Variants in PLEKHH1 observed in about 807,000 individuals in gnomAD.
PLEKHH1 encodes pleckstrin homology, MyTH4 and FERM domain containing H1.
Under a neutral mutation model 160.0 loss-of-function variants are expected in PLEKHH1, and 104 were observed. The observed-to-expected ratio is 0.65, with a 90% CI of 0.55 to 0.76. The LOEUF is 0.76. PLEKHH1 is among the 30% of genes least tolerant of loss of function. PLEKHH1 has a pLI of 0.00. For missense variants in PLEKHH1, 1,427 were observed against 1,724.1 expected (o/e 0.83, Z 3.05); for synonymous variants, 619 against 678.4 (o/e 0.91, Z 1.36).
At position 67,542,120 on chromosome 14, in the gene PLEKHH1, G is replaced by GA. The variant is rs1377500736; in HGVS notation, c.126+130dup. Reference sequence around the variant, plus strand: ...AGATGCTTTTCCCCATATGCAAAATGAAACCCAAGGTAGTTTAAGACCAAA... The same window carrying GA: ...AGATGCTTTTCCCCATATGCAAAATGAAAACCCAAGGTAGTTTAAGACCAAA... On this transcript the variant is annotated intron_variant, in intron 2 of 28. Coordinates refer to ENST00000329153, the MANE Select transcript of PLEKHH1 (RefSeq NM_020715.3). 5.6e-6 allele frequency: 5 copies of GA among 899,424 alleles called. No individual in the cohort carries two copies. The African/African-American group carries it at 6.8e-5, about 12-fold the overall frequency. The allele number at this position is 899,424 out of a possible 1,614,324, so 55.7% of individuals were successfully genotyped here.
chr14:67,579,204 G>A lies in PLEKHH1; in HGVS notation c.2920G>A (p.Glu974Lys). The A allele has an allele frequency of 6.2e-7, 1 of 1,611,466 alleles. No homozygotes were observed. The highest frequency in any genetic ancestry group is 2.2e-5 in the East Asian group (1 of 44,802). ...GCGGACCCTGCGGACCGGGGAGCGG[G>A]AAGCCAGGCCATCGCGCATGGAAGT... ...VERTLRTGER[E>K]ARPSRMEVVS... The change falls in exon 21 of 29, where the codon GAA becomes AAA. Residue 974 changes from glutamate (E) to lysine (K), a missense_variant. By Grantham distance (56) the Glu-to-Lys change is moderately conservative (BLOSUM62 1). Coordinates refer to ENST00000329153, the MANE Select transcript of PLEKHH1 (RefSeq NM_020715.3).
intron 14 of PLEKHH1, among the ~76,000 whole-genome samples, chr14:67,575,046 A>G (rs1330752915): frequency 1.3e-5 from 2 of 152,302 alleles, no homozygotes; most frequent in Non-Finnish European, 2.9e-5. Context: ...CAAGGGCTTC[A>G]GCCTGCTGTT....
chr14:67,579,834 C>A lies in PLEKHH1; in HGVS notation c.3141C>A (p.Pro1047=), dbSNP rs2035806071. The part of the protein sequence containing the change: ...HSGFALFTDD[P]SGRDLEHCLQ... ...GCTTTGCCCTCTTCACGGACGATCC[C>A]TCGGGCAGGGACCTGGAGCACTGCC... The change falls in exon 22 of 29, where the codon CCC becomes CCA. Residue 1047 remains proline, a synonymous_variant. Transcript: ENST00000329153. The A allele has an allele frequency of 1.2e-6, 2 of 1,607,560 alleles. No individual in the cohort carries two copies. Among genetic ancestry groups the A allele is most frequent in the East Asian group, 2.2e-5 (1 of 44,642 alleles).
chr14:67,571,847 C>G lies in PLEKHH1; in HGVS notation c.1530C>G (p.Pro510=). 1 of 1,613,850 alleles carries G rather than the reference C, an allele frequency of 6.2e-7. No homozygotes were observed. The highest frequency in any genetic ancestry group is 1.7e-5 in the Admixed American group (1 of 60,012). ...SSQASFRISV[P]SSESRKTSGL... Reference sequence around the variant, plus strand: ...AGGCGAGTTTCCGAATCTCGGTCCCCTCCTCTGAGTCCAGGAAGACCAGCG... The same window carrying G: ...AGGCGAGTTTCCGAATCTCGGTCCCGTCCTCTGAGTCCAGGAAGACCAGCG... The change falls in exon 10 of 29, where the codon CCC becomes CCG. Residue 510 remains proline, a synonymous_variant. Coordinates refer to ENST00000329153, the MANE Select transcript of PLEKHH1 (RefSeq NM_020715.3).
intron 2 of PLEKHH1, among the ~76,000 whole-genome samples, chr14:67,550,039 G>A (rs939144086): frequency 1.3e-5 from 2 of 152,074 alleles, no homozygotes; most frequent in Non-Finnish European, 2.9e-5. Context: ...CTGGGGTTGT[G>A]GGGTACAGTG....
chr14:67,545,416 G>A (rs1188436780), intron 2 of PLEKHH1, among the ~76,000 whole-genome samples: 1 of 152,146 alleles, frequency 6.6e-6, no homozygotes, highest in African/African-American at 2.4e-5. Context: ...CAGTCTTTAA[G>A]TCTAGACTAA....
intron 2 of PLEKHH1, among the ~76,000 whole-genome samples, chr14:67,551,401 C>CTTTA (rs2034384342): frequency 6.6e-6 from 1 of 152,178 alleles, no homozygotes; most frequent in African/African-American, 2.4e-5. Flanking sequence ...TGCACATGTA[C>CTTTA]TTTACATGGG....
In PLEKHH1 at chr14:67,571,843, T is replaced by C; in HGVS notation, c.1526T>C (p.Val509Ala). The change falls in exon 10 of 29, where the codon GTC (valine) becomes GCC (alanine). Residue 509 changes from valine to alanine, a missense_variant. Around this residue, in one of 6 missense-constraint regions of PLEKHH1, gnomAD observed 831 missense variants for 929.2 expected, o/e 0.89. Coordinates refer to ENST00000329153, the MANE Select transcript of PLEKHH1 (RefSeq NM_020715.3). ...TCTCAGGCGAGTTTCCGAATCTCGG[T>C]CCCCTCCTCTGAGTCCAGGAAGACC... Reference protein sequence around the residue: ...CSSQASFRISVPSSESRKTSG... With the variant: ...CSSQASFRISAPSSESRKTSG... 6.2e-7 allele frequency: 1 copy of C among 1,613,472 alleles called. No homozygotes were observed.
rs567754720 is a variant in PLEKHH1 at position 67,563,438 on chromosome 14, G to T, written c.1263+544G>T. Among the ~76,000 whole-genome samples, 13 of 151,598 alleles carry T rather than the reference G, an allele frequency of 8.6e-5. No individual in the cohort carries two copies. The South Asian group carries it at 2.5e-3, about 29-fold the overall frequency. On this transcript the variant is annotated intron_variant, in intron 7 of 28. Coordinates refer to ENST00000329153, the MANE Select transcript of PLEKHH1 (RefSeq NM_020715.3). ...TTCTTTTTCTTTTCTTTTTTTTGGG[G>T]GGTGGGGGTGAGGGGGCAGAGTTTC...
chr14:67,581,326 A>G (rs1404586478), intron 23 of PLEKHH1, among the ~76,000 whole-genome samples: 2 of 151,966 alleles, frequency 1.3e-5, no homozygotes, highest in Non-Finnish European at 2.9e-5. Flanking sequence ...AACAGACCAG[A>G]CCACCCTGGG....
At chr14:67,548,551 G>A (rs1882737642) in intron 2 of PLEKHH1, among the ~76,000 whole-genome samples, 1 of 152,116 alleles carries the variant, frequency 6.6e-6, no homozygotes, top group African/African-American at 2.4e-5. Flanking sequence ...TACAAAATTA[G>A]CCAGGCATGG....
chr14:67,579,254 CT>C lies in PLEKHH1; in HGVS notation c.2972del (p.Phe991SerfsTer36). On this transcript the variant is annotated frameshift_variant, in exon 21 of 29. Coordinates refer to ENST00000329153, the MANE Select transcript of PLEKHH1 (RefSeq NM_020715.3). LOFTEE classifies it high-confidence loss of function. ...TGGTGTCCATCCTGCTGCGTAACCC[CT>C]TCCACCACTCCTTGCCCTTCAGCAT... ...EVVSILLRNP[F>X]HHSLPFSIPV... 6.2e-7 allele frequency: 1 copy of C among 1,600,366 alleles called. No individual in the cohort carries two copies. Among genetic ancestry groups the C allele is most frequent in the East Asian group, 2.3e-5 (1 of 44,394 alleles).
In PLEKHH1 at chr14:67,575,455, C is replaced by T. The variant is rs769390988; in HGVS notation, c.2152C>T (p.Arg718Trp). The T allele has an allele frequency of 1.1e-5, 17 of 1,604,582 alleles. No individual in the cohort carries two copies. The highest frequency in any genetic ancestry group is 1.6e-4 in the Middle Eastern group (1 of 6,076). The change falls in exon 15 of 29, where the codon CGG (arginine) becomes TGG (tryptophan). Residue 718 changes from arginine to tryptophan, a missense_variant. Physicochemically the swap from Arg to Trp is moderately radical, Grantham distance 101 (BLOSUM62 -3). Around this residue, in one of 6 missense-constraint regions of PLEKHH1, gnomAD observed 831 missense variants for 929.2 expected, o/e 0.89. Transcript: ENST00000329153. Reference sequence around the variant, plus strand: ...TGTTGGGAAAATCTTCTACTACTATCGGAGCCATGAGGACAAGGTACTTCT... The same window carrying T: ...TGTTGGGAAAATCTTCTACTACTATTGGAGCCATGAGGACAAGGTACTTCT... ...ALVGKIFYYY[R>W]SHEDKRPLGC...
chr14:67,582,365 G>T lies in PLEKHH1; in HGVS notation c.3426+155G>T. 1 of 1,282,498 alleles carries T rather than the reference G, an allele frequency of 7.8e-7. No homozygotes were observed. The highest frequency in any genetic ancestry group is 1.1e-6 in the Non-Finnish European group (1 of 921,160). 79.4% of individuals were successfully genotyped at this position (1,282,498 alleles called of 1,614,324 possible). On this transcript the variant is annotated intron_variant, in intron 24 of 28. Transcript: ENST00000329153. The surrounding 1 kb of genome is among the most constrained non-coding windows in gnomAD (Gnocchi z 5.0). ...GGATGGAAAGCAGCTGACTTCTACAGATCAGAGCTCCTCACTCACCGCAGA... is the reference window on the plus strand; with the variant it reads ...GGATGGAAAGCAGCTGACTTCTACATATCAGAGCTCCTCACTCACCGCAGA...
chr14:67,572,291 C>T lies in PLEKHH1; in HGVS notation c.1728+14C>T, dbSNP rs138418666. The T allele has an allele frequency of 0.019, 29,620 of 1,556,862 alleles. 359 individuals are homozygous for T. The highest frequency in any genetic ancestry group is 0.048 in the Admixed American group (2,643 of 54,930). ...GGCCTGGGCGGGGTGAGCCGGGAAA[C>T]GGGCGGGGGCAGGGTGGAAGCAGAA... is the stretch of plus-strand genomic sequence containing the variant. On this transcript the variant is annotated intron_variant, in intron 11 of 28. Transcript: ENST00000329153.
chr14:67,586,112 T>C lies in PLEKHH1; in HGVS notation c.3933+15T>C. 6.2e-7 allele frequency: 1 copy of C among 1,613,300 alleles called. No homozygotes were observed. Among genetic ancestry groups the C allele is most frequent in the Non-Finnish European group, 8.5e-7 (1 of 1,179,646 alleles). ...CTGCTCCCAAGGTAGGTCTGACAGC[T>C]GTTAAAACGTTCTACTCTGGCAAGA... On this transcript the variant is annotated intron_variant, in intron 28 of 28. Coordinates refer to ENST00000329153, the MANE Select transcript of PLEKHH1 (RefSeq NM_020715.3).
chr14:67,549,267 T>G (rs1332471803), intron 2 of PLEKHH1, among the ~76,000 whole-genome samples: 1 of 149,324 alleles, frequency 6.7e-6, no homozygotes, highest in Admixed American at 6.6e-5. Context: ...GTAAAAGAGA[T>G]TTTTAATTTT....
intron 1 of PLEKHH1, among the ~76,000 whole-genome samples, chr14:67,536,327 G>A (rs189362531): frequency 1.4e-4 from 21 of 151,866 alleles, no homozygotes; most frequent in African/African-American, 4.6e-4. Context: ...CCCCAGAAAC[G>A]GGACACAAAG....
chr14:67,577,688 G>A (rs1321452896), intron 18 of PLEKHH1, among the ~76,000 whole-genome samples: 1 of 152,190 alleles, frequency 6.6e-6, no homozygotes, highest in Non-Finnish European at 1.5e-5. Context: ...AAAAGGCGAG[G>A]TTTATGTTGC....
Sources: allele counts gnomAD v4.1 joint callset (sites outside exome capture counted in the v4.1 genomes callset), GRCh38; gene constraint gnomAD v4.1.1; regional missense constraint gnomAD v4.1.1; non-coding constraint Gnocchi (gnomAD v3.1); transcripts MANE v1.5; gene names NCBI Gene and HGNC (gene_info 2026-07-23, HGNC 2026-07-21).